The following STIM1 variants were observed in gnomAD, a reference collection of about 807,000 sequenced individuals.
STIM1 encodes stromal interaction molecule 1.
Under a neutral mutation model 74.7 loss-of-function variants are expected in STIM1, and 25 were observed. The ratio of observed to expected loss-of-function variants is 0.33; its 90% confidence interval spans 0.24 to 0.47. The LOEUF (loss-of-function observed/expected upper bound fraction) is 0.47. STIM1 is among the 20% of genes least tolerant of loss of function. The pLI, the probability that STIM1 is intolerant of heterozygous loss-of-function variation, is 1.00. For synonymous variants in STIM1, 328 were observed against 348.8 expected, an observed-to-expected ratio of 0.94 and a Z score of 0.66; for missense variants, 728 against 920.8, an observed-to-expected ratio of 0.79 and a Z score of 2.71.
intron 4 of STIM1, 92 bp downstream of exon 4, chr11:4,055,729 G>T: frequency 1.1e-6 from 1 of 943,772 alleles, no homozygotes; most frequent in African/African-American, 1.7e-5. Context: ...GTTAAGTGAG[G>T]TTCTGCCTTT....
chr11:3,879,652 G>T (rs2091428635), intron 1 of STIM1, among the ~76,000 whole-genome samples: 1 of 152,190 alleles, frequency 6.6e-6, no homozygotes, highest in African/African-American at 2.4e-5. Context: ...AAGAAAGCAG[G>T]TGACTTCCCA....
intron 1 of STIM1, among the ~76,000 whole-genome samples, chr11:3,933,197 TA>T (rs986801032): frequency 3.9e-5 from 6 of 152,226 alleles, no homozygotes; most frequent in Non-Finnish European, 1.5e-5. Context: ...GCCTAAGTCC[TA>T]GGTGTGTTGT....
At chr11:3,966,046 C>T (rs569306129) in intron 1 of STIM1, among the ~76,000 whole-genome samples, 1 of 151,974 alleles carries the variant, frequency 6.6e-6, no homozygotes, top group African/African-American at 2.4e-5. Flanking sequence ...CCAAAAAAAA[C>T]CCCATTTCTT....
intron 3 of STIM1, among the ~76,000 whole-genome samples, chr11:4,042,950 C>G (rs1045884060): frequency 2.0e-5 from 3 of 152,204 alleles, no homozygotes; most frequent in African/African-American, 4.8e-5. Flanking sequence ...GTAGGGATCT[C>G]TCTCTTGATC....
intron 1 of STIM1, among the ~76,000 whole-genome samples, chr11:3,949,752 C>G (rs933832883): frequency 5.3e-5 from 8 of 152,272 alleles, no homozygotes; most frequent in Admixed American, 5.2e-4. Flanking sequence ...CACTGGAAAA[C>G]TTTGCAGTTT....
At chr11:4,078,929 A>G (rs949772971) in intron 7 of STIM1, among the ~76,000 whole-genome samples, 2 of 152,130 alleles carry the variant, frequency 1.3e-5, no homozygotes, top group African/African-American at 2.4e-5. Context: ...ATAGGGGGTA[A>G]TACTGTTGAT....
chr11:4,054,018 G>A (rs1035087527), intron 3 of STIM1, among the ~76,000 whole-genome samples: 4 of 152,170 alleles, frequency 2.6e-5, no homozygotes, highest in African/African-American at 9.7e-5. Flanking sequence ...TCTAGCTATT[G>A]GGCACTTGAA....
chr11:3,993,913 A>C (rs1341545433), intron 2 of STIM1, among the ~76,000 whole-genome samples: 1 of 152,216 alleles, frequency 6.6e-6, no homozygotes, highest in Non-Finnish European at 1.5e-5. Context: ...CATAAGGGAA[A>C]GGGATCTGTT....
At chr11:3,969,789 T>C (rs1260194979) in intron 2 of STIM1, among the ~76,000 whole-genome samples, 2 of 152,180 alleles carry the variant, frequency 1.3e-5, no homozygotes, top group Admixed American at 6.5e-5. Flanking sequence ...GGCTGAGATA[T>C]GTATACTTGT....
intron 2 of STIM1, among the ~76,000 whole-genome samples, chr11:3,970,926 G>C (rs1244897042): frequency 6.6e-6 from 1 of 152,148 alleles, no homozygotes; most frequent in Non-Finnish European, 1.5e-5. Flanking sequence ...CAAAAATAAT[G>C]AAAGCCAACA....
At chr11:3,953,193 A>T (rs1477225794) in intron 1 of STIM1, among the ~76,000 whole-genome samples, 1 of 152,204 alleles carries the variant, frequency 6.6e-6, no homozygotes, top group African/African-American at 2.4e-5. Flanking sequence ...AGCATGGTGT[A>T]CCAGAGACTC....
Position 4,086,470 on chromosome 11 carries a change from C to G in STIM1, c.1568-7C>G, listed in dbSNP as rs1234433480. On this transcript the variant is annotated splice_polypyrimidine_tract_variant and splice_region_variant and intron_variant, in intron 11 of 12. Coordinates refer to ENST00000526596, the MANE Select transcript of STIM1 (RefSeq NM_001382567.1). Reference sequence around the variant, plus strand: ...CCCTCCTGACACTTTCTTTATTCTCCTTGCAGCCCCTAGCCTGCAGAGCAG... The same window carrying G: ...CCCTCCTGACACTTTCTTTATTCTCGTTGCAGCCCCTAGCCTGCAGAGCAG... 1.2e-6 allele frequency: 2 copies of G among 1,613,850 alleles called. No individual in the cohort carries two copies. Among genetic ancestry groups the G allele is most frequent in the Non-Finnish European group, 8.5e-7 (1 of 1,179,942 alleles).
chr11:4,065,086 A>G (rs1325146043), intron 5 of STIM1, among the ~76,000 whole-genome samples: 7 of 152,176 alleles, frequency 4.6e-5, no homozygotes. Context: ...TTAATTTTTA[A>G]TGTGTGCCTA....
intron 1 of STIM1, among the ~76,000 whole-genome samples, chr11:3,904,196 CAAAAAAAAAAAA>C (rs57908154): frequency 1.4e-5 from 1 of 73,876 alleles, no homozygotes. Context: ...GACTCTGTCT[CAAAAAAAAAAAA>C]AAAAAAAAAA....
rs1565105210 is a variant in STIM1, at chr11:3,895,719, TTTC to T, written c.139+39313_139+39315del. Among the ~76,000 whole-genome samples the T allele has an allele frequency of 1.5e-3, 59 of 38,636 alleles. 3 individuals carry two copies. Among genetic ancestry groups the T allele is most frequent in the African/African-American group, 6.1e-3 (35 of 5,748 alleles). 25.3% of individuals were successfully genotyped at this position (38,636 alleles called of 152,430 possible). On this transcript the variant is annotated intron_variant, in intron 1 of 12. Transcript: ENST00000526596. ...CTTTCTTTCTTTCTTTCTTTCTTTC[TTTC>T]TTTCTTTCTTTCTTTTTCTTTCTTC...
intron 1 of STIM1, among the ~76,000 whole-genome samples, chr11:3,870,279 C>T (rs2091032663): frequency 6.6e-6 from 1 of 152,148 alleles, no homozygotes; most frequent in South Asian, 2.1e-4. Context: ...CAAAGCTGAG[C>T]CTTGACTCTA....
chr11:4,067,911 T>C (rs1031218412), intron 5 of STIM1, among the ~76,000 whole-genome samples: 2 of 152,238 alleles, frequency 1.3e-5, no homozygotes, highest in Non-Finnish European at 2.9e-5. Context: ...TATAGGCAAG[T>C]GATGATCACT....
In STIM1 at chr11:4,091,308, C is replaced by CA. The variant is rs1305679130; in HGVS notation, c.1661_1662insA (p.Ser555LeufsTer6). Reference sequence around the variant, plus strand: ...GATTTGACCCATTCCGATTCGGAGTCCTCCCTCCACATGAGTGACCGCCAG... The same window carrying CA: ...GATTTGACCCATTCCGATTCGGAGTCACTCCCTCCACATGAGTGACCGCCAG... On this transcript the variant is annotated frameshift_variant, in exon 13 of 13. Coordinates refer to ENST00000526596, the MANE Select transcript of STIM1 (RefSeq NM_001382567.1). LOFTEE classifies it high-confidence loss of function. 5.0e-6 allele frequency: 8 copies of CA among 1,614,094 alleles called. No individual in the cohort carries two copies. Among genetic ancestry groups the CA allele is most frequent in the Middle Eastern group, 1.6e-4 (1 of 6,084 alleles).
chr11:3,982,957 G>C (rs758938555), intron 2 of STIM1, among the ~76,000 whole-genome samples: 3 of 151,778 alleles, frequency 2.0e-5, no homozygotes, highest in Middle Eastern at 3.2e-3. Flanking sequence ...TTTGAGACAG[G>C]GTCTTGCTCT....
Sources: gnomAD v4.1 joint callset for allele counts (sites outside exome capture counted in the v4.1 genomes callset) on GRCh38, gnomAD v4.1.1 for gene constraint, MANE v1.5 for transcripts, NCBI Gene and HGNC (gene_info 2026-07-23, HGNC 2026-07-21) for gene names.